WDFY4: variants seen among roughly 807,000 people sequenced by gnomAD.
The protein encoded by WDFY4 is WDFY family member 4.
In WDFY4, 169 loss-of-function variants were observed where a neutral mutation model predicts 351.9. The observed-to-expected ratio is 0.48, with a 90% CI of 0.42 to 0.55. The LOEUF is 0.55. WDFY4 is among the 20% of genes least tolerant of loss of function. The probability of loss-of-function intolerance (pLI) is 0.00; values close to 1 mark genes in which losing one functional copy is unlikely to be tolerated. For missense variants in WDFY4, 3,803 were observed against 3,935.6 expected, an observed-to-expected ratio of 0.97 and a Z score of 0.90; for synonymous variants, 1,622 against 1,574.6, an observed-to-expected ratio of 1.03 and a Z score of -0.71.
At chr10:48,727,792 A>T in intron 7 of WDFY4, 133 bp downstream of exon 7, 1 of 1,168,762 alleles carries the variant, frequency 8.6e-7, no homozygotes, top group East Asian at 2.6e-5. Context: ...TATTTGCAAA[A>T]GTGATTCATT....
At chr10:48,912,615 C>T (rs781242137) in intron 47 of WDFY4, among the ~76,000 whole-genome samples, 49 of 152,250 alleles carry the variant, frequency 3.2e-4, no homozygotes, top group Middle Eastern at 6.3e-3. Context: ...ACGGCCCCTG[C>T]ACCTAGCATG....
chr10:48,927,157 C>A (rs1169393157), intron 47 of WDFY4, among the ~76,000 whole-genome samples: 6 of 152,118 alleles, frequency 3.9e-5, no homozygotes, highest in Admixed American at 2.6e-4. Flanking sequence ...TCTAACCTCT[C>A]GTTAAGTACT....
chr10:48,869,811 T>G (rs1216310879), intron 40 of WDFY4, among the ~76,000 whole-genome samples: 1 of 152,220 alleles, frequency 6.6e-6, no homozygotes. Context: ...GCCACTGTCT[T>G]CTGTCCCACT....
chr10:48,873,348 A>G, intron 40 of WDFY4, 143 bp from the exon 41 acceptor site: 3 of 920,424 alleles, frequency 3.3e-6, no homozygotes, highest in Non-Finnish European at 4.8e-6. Context: ...TGGGTACCCT[A>G]CACATTCTGA....
At position 48,753,659 on chromosome 10, in the gene WDFY4, G is replaced by T. The variant is rs192101160; in HGVS notation, c.2460-6688G>T. 2.3e-3 allele frequency among the ~76,000 whole-genome samples: 356 copies of T among 152,186 alleles called. 2 individuals are homozygous for T. Among genetic ancestry groups the T allele is most frequent in the Non-Finnish European group, 2.3e-3 (155 of 67,986 alleles). ...CTTTGTATCCTTGTTGAAAATCAAG[G>T]GGCCACAGATACATGAGTTTATTTG... On this transcript the variant is annotated intron_variant, in intron 12 of 61. Transcript: ENST00000325239.
intron 13 of WDFY4, among the ~76,000 whole-genome samples, chr10:48,766,635 A>G (rs1421540652): frequency 1.3e-5 from 2 of 152,212 alleles, no homozygotes; most frequent in African/African-American, 2.4e-5. Context: ...GCAAACAGAC[A>G]TAATCTCACA....
chr10:48,738,747 T>C (rs970451056), intron 11 of WDFY4, among the ~76,000 whole-genome samples: 1 of 152,214 alleles, frequency 6.6e-6, no homozygotes, highest in African/African-American at 2.4e-5. Flanking sequence ...TCTCTCTCTT[T>C]AGAAGGTGAG....
intron 53 of WDFY4, among the ~76,000 whole-genome samples, chr10:48,962,815 T>A (rs1414137993): frequency 2.0e-5 from 3 of 152,216 alleles, no homozygotes; most frequent in African/African-American, 7.2e-5. Flanking sequence ...CTGGAGTCAG[T>A]GAGCCTGAGC....
At chr10:48,894,905 G>A (rs994425238) in intron 44 of WDFY4, among the ~76,000 whole-genome samples, 1 of 152,178 alleles carries the variant, frequency 6.6e-6, no homozygotes, top group Non-Finnish European at 1.5e-5. Context: ...GCTCAGCTGA[G>A]ATCCAGATAG....
chr10:48,856,000 A>C (rs2069120213), intron 39 of WDFY4, among the ~76,000 whole-genome samples: 1 of 152,152 alleles, frequency 6.6e-6, no homozygotes, highest in Admixed American at 6.5e-5. Context: ...CATTCTTGGA[A>C]TATCTTGGAA....
chr10:48,961,028 A>G (rs1463273395), intron 53 of WDFY4, among the ~76,000 whole-genome samples: 1 of 152,240 alleles, frequency 6.6e-6, no homozygotes, highest in Non-Finnish European at 1.5e-5. Context: ...TGAATTTATA[A>G]AAACACTTTG....
intron 44 of WDFY4, among the ~76,000 whole-genome samples, chr10:48,896,144 C>A (rs955599981): frequency 1.3e-4 from 20 of 152,206 alleles, no homozygotes; most frequent in Non-Finnish European, 2.2e-4. Context: ...TTGTCCTGGG[C>A]TGGGTATACC....
chr10:48,745,216 T>C (rs1172643120), intron 12 of WDFY4, among the ~76,000 whole-genome samples: 1 of 152,238 alleles, frequency 6.6e-6, no homozygotes, highest in Non-Finnish European at 1.5e-5. Context: ...ATTTTGAATT[T>C]CCATTGTTAC....
At chr10:48,806,951 A>C (rs1310958959) in intron 27 of WDFY4, among the ~76,000 whole-genome samples, 1 of 152,252 alleles carries the variant, frequency 6.6e-6, no homozygotes, top group Non-Finnish European at 1.5e-5. Context: ...TCATCACAAA[A>C]GAGTCTCCTG....
At chr10:48,697,368 T>C (rs1256815460) in intron 1 of WDFY4, among the ~76,000 whole-genome samples, 4 of 152,250 alleles carry the variant, frequency 2.6e-5, no homozygotes, top group African/African-American at 9.6e-5. Context: ...TCCTGGCCCC[T>C]GGCCTCACCT....
chr10:48,802,602 A>G, intron 24 of WDFY4: 2 of 432,096 alleles, frequency 4.6e-6, no homozygotes, highest in South Asian at 1.7e-5. Flanking sequence ...GATGGCATCC[A>G]TCAATTCTGC....
rs756918814 is a variant in WDFY4 at position 48,970,168 on chromosome 10, G to A, written c.8807G>A (p.Arg2936His). 1.7e-5 allele frequency: 26 copies of A among 1,551,512 alleles called. No individual in the cohort carries two copies. In the South Asian group the frequency reaches 2.0e-4, roughly 12 times the overall value. The change falls in exon 57 of 62, where the codon CGC becomes CAC. Residue 2936 changes from arginine (R) to histidine (H), a missense_variant. By Grantham distance (29) the Arg-to-His change is conservative (BLOSUM62 0). Around this residue, in one of 3 missense-constraint regions of WDFY4, gnomAD observed 3,054 missense variants for 3,148.6 expected, o/e 0.97. Coordinates refer to ENST00000325239, the MANE Select transcript of WDFY4 (RefSeq NM_001394531.1). ...TTCGAGAACCTGGCTGCCTGGGGCC[G>A]CTGTCTGTGCGCCGTGTGCCCATCC... is the stretch of plus-strand genomic sequence containing the variant. ...MTFENLAAWG[R>H]CLCAVCPSPT...
Position 48,913,629 on chromosome 10 carries a change from C to T in WDFY4, c.7586+11766C>T, listed in dbSNP as rs540331593. The T allele has an allele frequency of 1.7e-4, 280 of 1,613,910 alleles. 2 individuals are homozygous for T. In the South Asian group the frequency reaches 2.6e-3, roughly 15 times the overall value. On this transcript the variant is annotated intron_variant, in intron 47 of 61. Coordinates refer to ENST00000325239, the MANE Select transcript of WDFY4 (RefSeq NM_001394531.1). Reference sequence around the variant, plus strand: ...CTCACCTGGCTTTGGAAAGGGGTTCCGCTTTATGTTGAGCTTTTTCAGCTT... The same window carrying T: ...CTCACCTGGCTTTGGAAAGGGGTTCTGCTTTATGTTGAGCTTTTTCAGCTT...
chr10:48,889,906 A>G (rs2070622828), intron 43 of WDFY4, among the ~76,000 whole-genome samples: 1 of 152,172 alleles, frequency 6.6e-6, no homozygotes, highest in Non-Finnish European at 1.5e-5. Flanking sequence ...CCTACTCCAC[A>G]TTGTCCAGTT....
Sources: allele counts gnomAD v4.1 joint callset (sites outside exome capture counted in the v4.1 genomes callset), GRCh38; gene constraint gnomAD v4.1.1; regional missense constraint gnomAD v4.1.1; transcripts MANE v1.5; gene names NCBI Gene and HGNC (gene_info 2026-07-23, HGNC 2026-07-21).